Variants in KLHL6 observed in about 807,000 individuals in gnomAD.
The protein encoded by KLHL6 is kelch-like protein 6.
KLHL6 carries 41 observed loss-of-function variants against 58.6 expected under a neutral mutation model. The ratio of observed to expected loss-of-function variants is 0.70; its 90% CI spans 0.55 to 0.91. The LOEUF (loss-of-function observed/expected upper bound fraction) is 0.91, where lower values mean the gene tolerates loss of function less well. Ranked by LOEUF, KLHL6 falls within the 40% of genes least tolerant of loss-of-function variation. KLHL6 has a pLI of 0.00. For synonymous variants in KLHL6, 338 were observed against 322.7 expected, an observed-to-expected ratio of 1.05 and a Z score of -0.51; for missense variants, 714 against 805.6, an observed-to-expected ratio of 0.89 and a Z score of 1.38.
intron 3 of KLHL6, among the ~76,000 whole-genome samples, chr3:183,505,082 T>C (rs1717967017): frequency 6.6e-6 from 1 of 152,202 alleles, no homozygotes; most frequent in Non-Finnish European, 1.5e-5. Context: ...AGACACTGAA[T>C]AAATGCTGAA....
intron 4 of KLHL6, among the ~76,000 whole-genome samples, chr3:183,498,324 C>T (rs962268165): frequency 3.3e-5 from 5 of 152,200 alleles, no homozygotes; most frequent in Admixed American, 1.3e-4. Flanking sequence ...CAAAGAATGA[C>T]CTGCCCTTGA....
intron 1 of KLHL6, among the ~76,000 whole-genome samples, chr3:183,539,612 G>A (rs1401838023): frequency 1.3e-5 from 2 of 152,064 alleles, no homozygotes; most frequent in Non-Finnish European, 2.9e-5. Flanking sequence ...GGGAGGCTGA[G>A]GCAGGAGAAT....
chr3:183,513,884 C>T (rs113087618), intron 2 of KLHL6, among the ~76,000 whole-genome samples: 9,993 of 152,100 alleles, frequency 0.066, 432 homozygotes, highest in Non-Finnish European at 0.091. Flanking sequence ...CTCCACCACC[C>T]GACAGGCCCC....
rs143215867 is a variant in KLHL6, at chr3:183,508,290, G to T, written c.678C>A (p.Asp226Glu). 6.2e-7 allele frequency: 1 copy of T among 1,614,078 alleles called. No homozygotes were observed. Among genetic ancestry groups the T allele is most frequent in the African/African-American group, 1.3e-5 (1 of 74,920 alleles). The change falls in exon 3 of 7, where the codon GAC (aspartate) becomes GAA (glutamate). Residue 226 changes from aspartate to glutamate, a missense_variant. Asp to Glu is a conservative substitution (Grantham distance 45, BLOSUM62 2). Transcript: ENST00000341319. ...CCTGAGCCTCCTCGGTCACGTAAAGGTCATCACTCTTCAAGATGTGGTGCA... is the reference window on the plus strand; with the variant it reads ...CCTGAGCCTCCTCGGTCACGTAAAGTTCATCACTCTTCAAGATGTGGTGCA... ...DTLHHILKSD[D>E]LYVTEEAQVF...
At chr3:183,538,785 A>C (rs768917549) in intron 1 of KLHL6, among the ~76,000 whole-genome samples, 44 of 152,158 alleles carry the variant, frequency 2.9e-4, no homozygotes, top group Non-Finnish European at 5.4e-4. Flanking sequence ...ATACTAACCA[A>C]GGGAAGCACT....
At chr3:183,533,957 G>C (rs1489074422) in intron 1 of KLHL6, among the ~76,000 whole-genome samples, 1 of 151,674 alleles carries the variant, frequency 6.6e-6, no homozygotes, top group Non-Finnish European at 1.5e-5. Flanking sequence ...TCCCCGCCCA[G>C]AGCTGGGGGA....
chr3:183,491,844 G>C lies in KLHL6; in HGVS notation c.*83C>G. ...GTATGGCCTCAAACTCGAGCCTGCT[G>C]CCTGAAGTGGGACTGGAGGAGGGTG... On this transcript the variant is annotated 3_prime_UTR_variant, in exon 7 of 7. Coordinates refer to ENST00000341319, the MANE Select transcript of KLHL6 (RefSeq NM_130446.4). The C allele has an allele frequency of 1.6e-6, 2 of 1,257,646 alleles. No individual in the cohort carries two copies. The highest frequency in any genetic ancestry group is 5.4e-5 in the East Asian group (2 of 37,170). 77.9% of individuals were successfully genotyped at this position (1,257,646 alleles called of 1,614,324 possible).
At chr3:183,506,873 T>A (rs1005001882) in intron 3 of KLHL6, among the ~76,000 whole-genome samples, 4 of 142,146 alleles carry the variant, frequency 2.8e-5, no homozygotes, top group Admixed American at 7.0e-5. Flanking sequence ...AATAAATAAA[T>A]AAAAGGAGAA....
chr3:183,518,776 G>A (rs754582538), intron 2 of KLHL6, among the ~76,000 whole-genome samples: 1 of 152,110 alleles, frequency 6.6e-6, no homozygotes, highest in Non-Finnish European at 1.5e-5. Flanking sequence ...AAAGAGTCTG[G>A]GTACAAAGTT....
chr3:183,536,381 T>C (rs1712367043), intron 1 of KLHL6, among the ~76,000 whole-genome samples: 1 of 152,182 alleles, frequency 6.6e-6, no homozygotes, highest in South Asian at 2.1e-4. Context: ...GTAGGTAAAT[T>C]CTCCAGCACA....
chr3:183,514,555 C>T (rs1467491560), intron 2 of KLHL6, among the ~76,000 whole-genome samples: 1 of 152,152 alleles, frequency 6.6e-6, no homozygotes, highest in Non-Finnish European at 1.5e-5. Flanking sequence ...TAGCTCACCC[C>T]ATTTTCAACA....
intron 1 of KLHL6, among the ~76,000 whole-genome samples, chr3:183,548,261 A>C (rs1712793097): frequency 6.6e-6 from 1 of 152,070 alleles, no homozygotes; most frequent in East Asian, 1.9e-4. Flanking sequence ...AATATGGCAC[A>C]CTCTGTAAGT....
intron 1 of KLHL6, among the ~76,000 whole-genome samples, chr3:183,545,997 G>A (rs1329926147): frequency 6.6e-6 from 1 of 152,206 alleles, no homozygotes. Context: ...TTTACAGGAT[G>A]TCTGCTGAGT....
intron 2 of KLHL6, among the ~76,000 whole-genome samples, chr3:183,525,269 A>AACACACACACACACACACACACACACAC (rs1553811030): frequency 1.5e-5 from 2 of 133,836 alleles, no homozygotes; most frequent in African/African-American, 2.8e-5. Context: ...CTAAAAAAAA[A>AACACACACACACACACACACACACACAC]ACACACACAC....
chr3:183,540,960 G>T (rs1712532542), intron 1 of KLHL6, among the ~76,000 whole-genome samples: 1 of 152,082 alleles, frequency 6.6e-6, no homozygotes, highest in Non-Finnish European at 1.5e-5. Flanking sequence ...CCAGGCTATT[G>T]CCCGGAGGCT....
chr3:183,495,504 A>G (rs974221529), intron 4 of KLHL6, among the ~76,000 whole-genome samples: 1 of 152,092 alleles, frequency 6.6e-6, no homozygotes, highest in Non-Finnish European at 1.5e-5. Context: ...GGTAGCATCA[A>G]AAAGTATAAA....
At chr3:183,513,470 C>T (rs977290350) in intron 2 of KLHL6, among the ~76,000 whole-genome samples, 13 of 152,238 alleles carry the variant, frequency 8.5e-5, no homozygotes, top group African/African-American at 2.7e-4. Flanking sequence ...CATTTGCACA[C>T]GTCACTGGGT....
chr3:183,550,602 C>T (rs1004760942), intron 1 of KLHL6, among the ~76,000 whole-genome samples: 4 of 151,612 alleles, frequency 2.6e-5, no homozygotes, highest in African/African-American at 7.3e-5. Flanking sequence ...CCAGACCAGC[C>T]TGGCCAACAT....
At chr3:183,544,176 A>G (rs867064370) in intron 1 of KLHL6, among the ~76,000 whole-genome samples, 1,857 of 151,502 alleles carry the variant, frequency 0.012, 40 homozygotes, top group African/African-American at 0.043. Context: ...AAAAAAAAAA[A>G]AAAAAAAAAA....
Sources: gnomAD v4.1 joint callset for allele counts (sites outside exome capture counted in the v4.1 genomes callset) on GRCh38, gnomAD v4.1.1 for gene constraint, MANE v1.5 for transcripts, NCBI Gene and HGNC (gene_info 2026-07-23, HGNC 2026-07-21) for gene names.